The following PDZD2 variants were observed in gnomAD, a reference collection of about 807,000 sequenced individuals.
The protein encoded by PDZD2 is PDZ domain containing 2, also known as PDZ domain-containing protein 2.
In PDZD2, 90 loss-of-function variants were observed where a neutral mutation model predicts 220.7. The observed-to-expected ratio is 0.41, with a 90% CI of 0.34 to 0.49. The LOEUF (loss-of-function observed/expected upper bound fraction) is 0.49. PDZD2 is among the 20% of genes least tolerant of loss of function. The probability of loss-of-function intolerance (pLI) is 0.28; values close to 1 mark genes in which losing one functional copy is unlikely to be tolerated. For synonymous variants in PDZD2, 1,375 were observed against 1,450.5 expected (o/e 0.95, Z 1.18); for missense variants, 3,174 against 3,608.5 (o/e 0.88, Z 3.08).
rs1739241298 is a variant in PDZD2 at position 32,057,889 on chromosome 5, T to C, written c.1986T>C (p.Ser662=). 2 of 1,609,156 alleles carry C rather than the reference T, an allele frequency of 1.2e-6. No individual in the cohort carries two copies. The highest frequency in any genetic ancestry group is 1.7e-6 in the Non-Finnish European group (2 of 1,177,264). The change falls in exon 12 of 25, where the codon AGT becomes AGC. Residue 662 remains serine (S), a synonymous_variant. Transcript: ENST00000438447. ...EAIHTFKQIR[S]GLFVLTVRTK... The stretch of plus-strand genomic sequence containing the variant: ...CACTGTTTTCTCAGCAAATCCGGAG[T>C]GGATTATTTGTTTTAACGGTACGCA...
intron 2 of PDZD2, among the ~76,000 whole-genome samples, chr5:31,962,139 T>C (rs936349080): frequency 1.3e-5 from 2 of 152,212 alleles, no homozygotes; most frequent in Non-Finnish European, 2.9e-5. Context: ...AATTGGACCT[T>C]ATAAACTTTG....
intron 6 of PDZD2, among the ~76,000 whole-genome samples, chr5:32,034,933 C>T (rs532033115): frequency 1.8e-4 from 28 of 152,256 alleles, no homozygotes; most frequent in African/African-American, 5.1e-4. Flanking sequence ...AGATTCTGTT[C>T]CTGCTTTTTC....
intron 2 of PDZD2, among the ~76,000 whole-genome samples, chr5:31,976,906 C>T (rs556158378): frequency 2.6e-5 from 4 of 151,556 alleles, no homozygotes; most frequent in African/African-American, 7.3e-5. Context: ...TTAGTAGAGA[C>T]GGGGTTTCAG....
chr5:31,792,267 G>A (rs543934338), intron 1 of PDZD2, among the ~76,000 whole-genome samples: 1 of 152,256 alleles, frequency 6.6e-6, no homozygotes, highest in Non-Finnish European at 1.5e-5. Context: ...AGTTCAGGGG[G>A]GCAAGGTCAT....
intron 2 of PDZD2, among the ~76,000 whole-genome samples, chr5:31,904,156 T>G (rs1371794112): frequency 1.3e-5 from 2 of 152,132 alleles, no homozygotes; most frequent in Admixed American, 6.6e-5. Context: ...ATCATGAGAT[T>G]TATTCAACAT....
chr5:31,692,956 T>C (rs1359459623), intron 1 of PDZD2: 1 of 152,466 alleles, frequency 6.6e-6, no homozygotes, highest in East Asian at 1.9e-4. Context: ...GCTGTTGTTA[T>C]GGCTGCTGCT....
chr5:32,052,864 G>A lies in PDZD2; in HGVS notation c.1785+134G>A, dbSNP rs1316977849. The A allele has an allele frequency of 9.2e-6, 8 of 865,464 alleles. No homozygotes were observed. In the Admixed American group the frequency reaches 1.7e-4, roughly 18 times the overall value. 53.6% of individuals were successfully genotyped at this position (865,464 alleles called of 1,614,324 possible). On this transcript the variant is annotated intron_variant, in intron 9 of 24. Coordinates refer to ENST00000438447, the MANE Select transcript of PDZD2 (RefSeq NM_178140.4). ...CTTGCTCTGTTGCCCAGGCCGGAGT[G>A]CAGTGGTGCAATCATGGCTCACTGC...
intron 1 of PDZD2, among the ~76,000 whole-genome samples, chr5:31,664,295 AC>A (rs1241431013): frequency 6.6e-6 from 1 of 152,030 alleles, no homozygotes; most frequent in Non-Finnish European, 1.5e-5. Flanking sequence ...GCACCACCGC[AC>A]CCAGCTGAAA....
intron 6 of PDZD2, among the ~76,000 whole-genome samples, chr5:32,020,631 G>A (rs1472539180): frequency 6.9e-6 from 1 of 144,358 alleles, no homozygotes; most frequent in Non-Finnish European, 1.5e-5. Flanking sequence ...ATAGGCAAAT[G>A]ACAAAATGAT....
chr5:32,043,541 A>G (rs144678653), intron 7 of PDZD2, among the ~76,000 whole-genome samples: 1 of 152,366 alleles, frequency 6.6e-6, no homozygotes, highest in Non-Finnish European at 1.5e-5. Flanking sequence ...CTTTGGAAGA[A>G]TGCATATGGC....
intron 1 of PDZD2, among the ~76,000 whole-genome samples, chr5:31,784,681 G>T (rs1753271356): frequency 6.6e-6 from 1 of 150,778 alleles, no homozygotes; most frequent in Admixed American, 6.6e-5. Flanking sequence ...GACCAAGGCA[G>T]GTGGATCACG....
intron 2 of PDZD2, chr5:31,908,538 G>C (rs1169928243): frequency 9.5e-7 from 1 of 1,049,798 alleles, no homozygotes; most frequent in South Asian, 1.4e-5. Context: ...GCGAGGGCAC[G>C]GAAAGCACAG....
chr5:31,765,389 C>T (rs1217127626), intron 1 of PDZD2, among the ~76,000 whole-genome samples: 1 of 152,156 alleles, frequency 6.6e-6, no homozygotes, highest in Non-Finnish European at 1.5e-5. Context: ...CCAAAAGCTA[C>T]CATTGGGAAA....
chr5:31,684,756 G>C (rs1746784475), intron 1 of PDZD2, among the ~76,000 whole-genome samples: 1 of 152,052 alleles, frequency 6.6e-6, no homozygotes, highest in Non-Finnish European at 1.5e-5. Flanking sequence ...CGTGATGTGT[G>C]AACTCATTTC....
chr5:31,688,370 G>C (rs888875730), intron 1 of PDZD2, among the ~76,000 whole-genome samples: 53 of 152,188 alleles, frequency 3.5e-4, no homozygotes, highest in African/African-American at 1.1e-3. Flanking sequence ...GAGATAAATA[G>C]GGCTGGTCCA....
chr5:31,968,759 G>A (rs1013294290), intron 2 of PDZD2, among the ~76,000 whole-genome samples: 1 of 152,138 alleles, frequency 6.6e-6, no homozygotes, highest in Non-Finnish European at 1.5e-5. Context: ...AGTGAAATGG[G>A]AAGTGGCCCT....
rs539609904 is a variant in PDZD2, at chr5:31,789,480, G to A, written c.-360-9409G>A. 1.1e-3 allele frequency among the ~76,000 whole-genome samples: 172 copies of A among 152,332 alleles called. 7 individuals carry two copies. In the South Asian group the frequency reaches 0.034, roughly 30 times the overall value. ...ATTCAAGGCATAGGCCAAGGGAGGT[G>A]GCACCCAAGCCTCATCCAGGTAGCA... On this transcript the variant is annotated intron_variant, in intron 1 of 24. Coordinates refer to ENST00000438447, the MANE Select transcript of PDZD2 (RefSeq NM_178140.4).
intron 2 of PDZD2, among the ~76,000 whole-genome samples, chr5:31,922,574 G>T (rs1744367022): frequency 6.6e-6 from 1 of 152,188 alleles, no homozygotes; most frequent in African/African-American, 2.4e-5. Flanking sequence ...GCTTATGGAA[G>T]AGCAGAGGGA....
At chr5:31,683,207 TAAAAAAAA>T (rs35467814) in intron 1 of PDZD2, among the ~76,000 whole-genome samples, 1 of 129,056 alleles carries the variant, frequency 7.7e-6, no homozygotes, top group African/African-American at 2.9e-5. Flanking sequence ...ATCAGAATGT[TAAAAAAAA>T]AAAAAAAAAA....
Sources: allele counts gnomAD v4.1 joint callset (sites outside exome capture counted in the v4.1 genomes callset), GRCh38; gene constraint gnomAD v4.1.1; transcripts MANE v1.5; gene names NCBI Gene and HGNC (gene_info 2026-07-23, HGNC 2026-07-21).